The following TRPC4 variants were observed in gnomAD, a reference collection of about 807,000 sequenced individuals.
TRPC4 encodes short transient receptor potential channel 4.
TRPC4 carries 49 observed loss-of-function variants against 99.4 expected under a neutral mutation model. That is an observed-to-expected ratio of 0.49 (90% CI 0.39 to 0.63). TRPC4 has a LOEUF of 0.63. TRPC4 is among the 20% of genes least tolerant of loss of function. The pLI, the probability that TRPC4 is intolerant of heterozygous loss-of-function variation, is 0.00. For missense variants in TRPC4, 898 were observed against 1,152.9 expected (o/e 0.78, Z 3.20); for synonymous variants, 454 against 425.9 (o/e 1.07, Z -0.81).
At chr13:37,798,934 T>C (rs1167936692) in intron 1 of TRPC4, among the ~76,000 whole-genome samples, 1 of 166 alleles carries the variant, frequency 6.0e-3, no homozygotes, top group Non-Finnish European at 0.071. Flanking sequence ...GGAGGTAATC[T>C]TTTTTTTTTT....
At position 37,692,150 on chromosome 13, in the gene TRPC4, CT is replaced by C; in HGVS notation, c.1082del (p.Lys361SerfsTer14). On this transcript the variant is annotated frameshift_variant, in exon 4 of 11. Coordinates refer to ENST00000379705, the MANE Select transcript of TRPC4 (RefSeq NM_016179.4). LOFTEE classifies it high-confidence loss of function. ...TGTGGCAGATAAACTTGATAAATGGCTTCCTGATGAACAGTCCAAGTGGGCT... is the reference window on the plus strand; with the variant it reads ...TGTGGCAGATAAACTTGATAAATGGCTCCTGATGAACAGTCCAAGTGGGCT... ...PKSPLGLFIR[K>X]PFIKFICHTA... 6.2e-7 allele frequency: 1 copy of C among 1,614,100 alleles called. No homozygotes were observed. Among genetic ancestry groups the C allele is most frequent in the African/African-American group, 1.3e-5 (1 of 75,022 alleles).
In TRPC4 at chr13:37,803,507, G is replaced by A. The variant is rs372093992; in HGVS notation, c.-27-20147C>T. ...CCAGTCTATCACTACAGGGTGAAGA[G>A]TAAACATATAAACAATTCATGTTTT... On this transcript the variant is annotated intron_variant, in intron 1 of 10. Transcript: ENST00000379705. 1.1e-3 allele frequency among the ~76,000 whole-genome samples: 163 copies of A among 152,124 alleles called. 5 individuals are homozygous for A. The South Asian group carries it at 0.032, about 30-fold the overall frequency.
chr13:37,713,941 C>T (rs1210763484), intron 3 of TRPC4, among the ~76,000 whole-genome samples: 1 of 152,044 alleles, frequency 6.6e-6, no homozygotes, highest in African/African-American at 2.4e-5. Context: ...ATAGGAATTG[C>T]CTAGGTTTAT....
At chr13:37,655,483 T>C (rs989303977) in intron 6 of TRPC4, among the ~76,000 whole-genome samples, 200 bp from the exon 7 acceptor site, 3 of 151,870 alleles carry the variant, frequency 2.0e-5, no homozygotes, top group Admixed American at 6.6e-5. Flanking sequence ...TTCCTCAAAC[T>C]AGTAGAAATG....
chr13:37,856,046 G>A (rs1467085612), intron 1 of TRPC4, among the ~76,000 whole-genome samples: 1 of 151,536 alleles, frequency 6.6e-6, no homozygotes, highest in African/African-American at 2.4e-5. Flanking sequence ...CAAGATAAAT[G>A]AAATTGAAAT....
intron 2 of TRPC4, among the ~76,000 whole-genome samples, chr13:37,762,035 A>C (rs1365751618): frequency 1.3e-5 from 2 of 151,874 alleles, no homozygotes. Context: ...ACAACTCTTA[A>C]GGAGACATCA....
intron 2 of TRPC4, among the ~76,000 whole-genome samples, chr13:37,780,373 AG>A (rs35255643): frequency 0.52 from 78,777 of 151,550 alleles, 20,987 homozygotes; most frequent in East Asian, 0.78. Context: ...TATTTTGTTC[AG>A]TTGGATATTG....
chr13:37,708,847 C>T (rs1304033244), intron 3 of TRPC4, among the ~76,000 whole-genome samples: 2 of 151,432 alleles, frequency 1.3e-5, no homozygotes, highest in Admixed American at 6.6e-5. Flanking sequence ...TTTCCTTCTC[C>T]GTATACATAA....
At position 37,737,346 on chromosome 13, in the gene TRPC4, G is replaced by A. The variant is rs190834907; in HGVS notation, c.897+8591C>T. Among the ~76,000 whole-genome samples, 121 of 151,934 alleles carry A rather than the reference G, an allele frequency of 8.0e-4. 1 individual carries two copies. Among genetic ancestry groups the A allele is most frequent in the African/African-American group, 2.7e-3 (113 of 41,432 alleles). On this transcript the variant is annotated intron_variant, in intron 3 of 10. Transcript: ENST00000379705. ...GCATTATTACATTTCATCTTCACAA[G>A]GCAACATATTTTAGAGAAGAGAAAA...
intron 3 of TRPC4, among the ~76,000 whole-genome samples, chr13:37,726,488 G>T (rs1310566016): frequency 4.6e-5 from 7 of 151,888 alleles, no homozygotes; most frequent in Non-Finnish European, 2.9e-5. Flanking sequence ...AATAGCTATG[G>T]AATATACACA....
chr13:37,636,167 C>T lies in TRPC4; in HGVS notation c.*736G>A, dbSNP rs1018952601. Among the ~76,000 whole-genome samples the T allele has an allele frequency of 1.3e-5, 2 of 151,792 alleles. No individual in the cohort carries two copies. Among genetic ancestry groups the T allele is most frequent in the East Asian group, 3.9e-4 (2 of 5,180 alleles). On this transcript the variant is annotated 3_prime_UTR_variant, in exon 11 of 11. Coordinates refer to ENST00000379705, the MANE Select transcript of TRPC4 (RefSeq NM_016179.4). ...AAAGACTCATATTTATACTGATAAG[C>T]AGTTGAATCTGAAATAGGTAATTAA...
At chr13:37,814,558 ACAACAT>A (rs1422465920) in intron 1 of TRPC4, among the ~76,000 whole-genome samples, 1 of 151,846 alleles carries the variant, frequency 6.6e-6, no homozygotes, top group Non-Finnish European at 1.5e-5. Flanking sequence ...TCCATGTAAA[ACAACAT>A]CAAAAAGATT....
chr13:37,839,656 T>C (rs1344860601), intron 1 of TRPC4, among the ~76,000 whole-genome samples: 5 of 152,198 alleles, frequency 3.3e-5, no homozygotes, highest in Middle Eastern at 3.2e-3. Context: ...TTTCAGTTTA[T>C]AGATGAGAAA....
intron 1 of TRPC4, among the ~76,000 whole-genome samples, chr13:37,863,180 A>G (rs1469463264): frequency 1.3e-5 from 2 of 151,550 alleles, no homozygotes; most frequent in East Asian, 3.9e-4. Flanking sequence ...CTCAGGACGT[A>G]TTTGATGTAT....
intron 2 of TRPC4, 151 bp downstream of exon 2, chr13:37,782,805 G>T (rs1047133241): frequency 1.4e-6 from 1 of 719,254 alleles, no homozygotes; most frequent in African/African-American, 1.8e-5. Flanking sequence ...CCTAATAGTA[G>T]TTTTCTGTTA....
At position 37,636,987 on chromosome 13, in the gene TRPC4, TG is replaced by T; in HGVS notation, c.2849del (p.Ala950GlufsTer8). The T allele has an allele frequency of 6.2e-7, 1 of 1,613,798 alleles. No homozygotes were observed. Among genetic ancestry groups the T allele is most frequent in the Non-Finnish European group, 8.5e-7 (1 of 1,179,768 alleles). ...AGTCTATACTAGAGTCCTCTTCTTT[TG>T]CATGTTTCTCCTTTGGTATTATAGG... is the stretch of plus-strand genomic sequence containing the variant. ...TVPIIPKEKH[A>X]KEEDSSIDYD... On this transcript the variant is annotated frameshift_variant, in exon 11 of 11. Transcript: ENST00000379705. LOFTEE classifies it high-confidence loss of function.
At chr13:37,677,276 G>A (rs979102076) in intron 4 of TRPC4, among the ~76,000 whole-genome samples, 12 of 151,840 alleles carry the variant, frequency 7.9e-5, no homozygotes, top group African/African-American at 2.9e-4. Flanking sequence ...CCAATAACAG[G>A]CATAAAAGGA....
chr13:37,832,541 A>T (rs1190289424), intron 1 of TRPC4, among the ~76,000 whole-genome samples: 2 of 152,024 alleles, frequency 1.3e-5, no homozygotes, highest in African/African-American at 4.8e-5. Context: ...TCCGTCAAAA[A>T]CAACAACAAC....
At chr13:37,643,850 G>T (rs1185492088) in intron 8 of TRPC4, among the ~76,000 whole-genome samples, 3 of 152,098 alleles carry the variant, frequency 2.0e-5, no homozygotes, top group Non-Finnish European at 4.4e-5. Context: ...GCTTCTGGTG[G>T]TGGCTGTTAA....
Sources: gnomAD v4.1 joint callset for allele counts (sites outside exome capture counted in the v4.1 genomes callset) on GRCh38, gnomAD v4.1.1 for gene constraint, MANE v1.5 for transcripts, NCBI Gene and HGNC (gene_info 2026-07-23, HGNC 2026-07-21) for gene names.